Variants in PPP4R3B observed in about 807,000 individuals in gnomAD.
The protein encoded by PPP4R3B is serine/threonine-protein phosphatase 4 regulatory subunit 3B.
PPP4R3B carries 52 observed loss-of-function variants against 95.4 expected under a neutral mutation model. The ratio of observed to expected loss-of-function variants is 0.54; its 90% CI spans 0.44 to 0.69. The LOEUF (loss-of-function observed/expected upper bound fraction) is 0.69. Ranked by LOEUF, PPP4R3B falls within the 30% of genes least tolerant of loss-of-function variation. PPP4R3B has a pLI of 0.00. For missense variants in PPP4R3B, 1,003 were observed against 1,005.9 expected, an observed-to-expected ratio of 1.00 and a Z score of 0.04; for synonymous variants, 407 against 343.9, an observed-to-expected ratio of 1.18 and a Z score of -2.03.
intron 11 of PPP4R3B, 101 bp from the exon 12 acceptor site, chr2:55,573,878 A>G (rs1327353250): frequency 1.2e-5 from 6 of 489,700 alleles, no homozygotes; most frequent in South Asian, 3.6e-5. Context: ...TCTAAACTGT[A>G]TTTCCTCCTT....
intron 1 of PPP4R3B, chr2:55,616,429 T>C (rs1273636826): frequency 6.6e-6 from 1 of 152,244 alleles, no homozygotes; most frequent in Non-Finnish European, 1.5e-5. Context: ...GATTATACTA[T>C]AAAAGGCATT....
At chr2:55,577,980 T>A (rs1447710372) in intron 10 of PPP4R3B, among the ~76,000 whole-genome samples, 1 of 152,126 alleles carries the variant, frequency 6.6e-6, no homozygotes, top group Non-Finnish European at 1.5e-5. Flanking sequence ...AGAGGCAGAA[T>A]GGCTGAATTA....
At chr2:55,613,179 G>C (rs2103900202) in intron 2 of PPP4R3B, among the ~76,000 whole-genome samples, 1 of 152,132 alleles carries the variant, frequency 6.6e-6, no homozygotes, top group South Asian at 2.1e-4. Context: ...CTATTACAAA[G>C]AAACTAAGTT....
chr2:55,616,804 T>C (rs1167809191), intron 1 of PPP4R3B, among the ~76,000 whole-genome samples: 1 of 151,514 alleles, frequency 6.6e-6, no homozygotes, highest in African/African-American at 2.4e-5. Flanking sequence ...GATAAGTAAA[T>C]AAAGGGGGAG....
chr2:55,597,988 C>T (rs143002519), intron 4 of PPP4R3B, among the ~76,000 whole-genome samples: 5,335 of 152,062 alleles, frequency 0.035, 137 homozygotes, highest in South Asian at 0.075. Context: ...GAGGCTGAGG[C>T]GGGCGGACTG....
chr2:55,608,386 T>C (rs1267226844), intron 2 of PPP4R3B, among the ~76,000 whole-genome samples: 1 of 152,216 alleles, frequency 6.6e-6, no homozygotes, highest in African/African-American at 2.4e-5. Context: ...AGAGTTCTTT[T>C]CCAATGCTGA....
Position 55,577,255 on chromosome 2 carries a change from C to T in PPP4R3B, c.1606+60G>A, listed in dbSNP as rs1219527570. 2.7e-6 allele frequency: 4 copies of T among 1,503,520 alleles called. No individual in the cohort carries two copies. The Admixed American group carries it at 7.8e-5, about 29-fold the overall frequency. 93.1% of individuals were successfully genotyped at this position (1,503,520 alleles called of 1,614,324 possible). On this transcript the variant is annotated intron_variant, in intron 11 of 16. Coordinates refer to ENST00000616407, the MANE Select transcript of PPP4R3B (RefSeq NM_001122964.3). The stretch of plus-strand genomic sequence containing the variant: ...CTTAGCCTTATATAAGTGCATTACA[C>T]TTAGAGTAGAAAAAAGTTTATAATT...
chr2:55,558,633 T>A, intron 16 of PPP4R3B, 142 bp downstream of exon 16: 1 of 616,526 alleles, frequency 1.6e-6, no homozygotes. Flanking sequence ...TAAAATAAAA[T>A]TCTACAATCA....
Position 55,573,671 on chromosome 2 carries a change from C to A in PPP4R3B, c.1713G>T (p.Leu571Phe). ...HIKNYIMNKD[L>F]LRRVLVLMNS... ...TCATCAAGACCAAGACTCTTCTTAG[C>A]AAGTCCTTGTTCATAATATAGTTTT... The change falls in exon 12 of 17, where the codon TTG (leucine) becomes TTT (phenylalanine). Residue 571 changes from leucine (L) to phenylalanine (F), a missense_variant. Transcript: ENST00000616407. 1 of 1,545,996 alleles carries A rather than the reference C, an allele frequency of 6.5e-7. No individual in the cohort carries two copies. The highest frequency in any genetic ancestry group is 8.7e-7 in the Non-Finnish European group (1 of 1,145,360).
At chr2:55,586,759 G>T in intron 5 of PPP4R3B, 25 bp from the exon 6 acceptor site, 2 of 1,405,290 alleles carry the variant, frequency 1.4e-6, no homozygotes, top group South Asian at 1.2e-5. Context: ...ATTTTAGTGA[G>T]ACATTGATAA....
chr2:55,563,972 A>C (rs541538165), intron 15 of PPP4R3B, among the ~76,000 whole-genome samples: 25 of 152,280 alleles, frequency 1.6e-4, no homozygotes, highest in Non-Finnish European at 3.1e-4. Context: ...GTACTCTAGA[A>C]GGTTTCTATG....
intron 5 of PPP4R3B, among the ~76,000 whole-genome samples, chr2:55,587,454 C>G (rs1224869529): frequency 1.3e-5 from 2 of 152,160 alleles, no homozygotes; most frequent in African/African-American, 4.8e-5. Flanking sequence ...CATGGTGGCA[C>G]ACGCCTGTAA....
Position 55,617,321 on chromosome 2 carries a change from C to T in PPP4R3B, c.-36G>A. 6.5e-7 allele frequency: 1 copy of T among 1,541,360 alleles called. No individual in the cohort carries two copies. The highest frequency in any genetic ancestry group is 1.4e-5 in the African/African-American group (1 of 72,604). On this transcript the variant is annotated 5_prime_UTR_variant, in exon 1 of 17. Coordinates refer to ENST00000616407, the MANE Select transcript of PPP4R3B (RefSeq NM_001122964.3). ...GTCTCCACCGCTCTAGCCGCCGCCTCCTCGCTTACCTCGTCCGCGCTCCTC... is the reference window on the plus strand; with the variant it reads ...GTCTCCACCGCTCTAGCCGCCGCCTTCTCGCTTACCTCGTCCGCGCTCCTC...
chr2:55,589,397 C>T (rs961479738), intron 4 of PPP4R3B, among the ~76,000 whole-genome samples: 2 of 152,072 alleles, frequency 1.3e-5, no homozygotes, highest in African/African-American at 4.8e-5. Flanking sequence ...GGCTGAATTC[C>T]GACAGTAGAT....
intron 8 of PPP4R3B, among the ~76,000 whole-genome samples, chr2:55,581,052 A>G (rs1689376429): frequency 6.6e-6 from 1 of 152,140 alleles, no homozygotes; most frequent in Non-Finnish European, 1.5e-5. Context: ...CAGGGGTTCA[A>G]GACCAGCCTG....
In PPP4R3B at chr2:55,598,874, A is replaced by C. The variant is rs200075171; in HGVS notation, c.463T>G (p.Ser155Ala). 2.5e-6 allele frequency: 4 copies of C among 1,614,194 alleles called. No homozygotes were observed. In the Middle Eastern group the frequency reaches 4.9e-4, roughly 200 times the overall value. Reference sequence around the variant, plus strand: ...GCCAGCTTTTCCCTACGGATAGGTGAGGAGAGCACTGAGGTAACTAAGTCA... The same window carrying C: ...GCCAGCTTTTCCCTACGGATAGGTGCGGAGAGCACTGAGGTAACTAAGTCA... ...IADLVTSVLS[S>A]PIRREKLALA... Residue 155 changes from serine (S) to alanine (A), a missense_variant, in exon 4 of 17, where the codon TCA (serine) becomes GCA (alanine). By Grantham distance (99) the Ser-to-Ala change is moderately conservative (BLOSUM62 1). Transcript: ENST00000616407.
intron 7 of PPP4R3B, among the ~76,000 whole-genome samples, chr2:55,582,693 T>G (rs1476043443): frequency 6.6e-6 from 1 of 152,224 alleles, no homozygotes; most frequent in Non-Finnish European, 1.5e-5. Flanking sequence ...TCTGCATATC[T>G]TAGGTTTGAT....
intron 4 of PPP4R3B, among the ~76,000 whole-genome samples, chr2:55,590,936 C>G (rs1172708319): frequency 6.6e-6 from 1 of 152,102 alleles, no homozygotes; most frequent in African/African-American, 2.4e-5. Flanking sequence ...TCAATTGGTG[C>G]TACTCAAAGA....
At position 55,549,985 on chromosome 2, in the gene PPP4R3B, C is replaced by A; in HGVS notation, c.2476G>T (p.Asp826Tyr). 6.2e-7 allele frequency: 1 copy of A among 1,608,422 alleles called. No homozygotes were observed. Among genetic ancestry groups the A allele is most frequent in the Non-Finnish European group, 8.5e-7 (1 of 1,178,782 alleles). ...ATKGSLVGLV[D>Y]YPDDEEEDEE... ...TCTTCCTCTTCATCATCTGGATAAT[C>A]CACTAAGCCAACCAAACTTCCCTAT... Residue 826 changes from aspartate (D) to tyrosine (Y), a missense_variant, in exon 17 of 17, where the codon GAT (aspartate) becomes TAT (tyrosine). Physicochemically the swap from Asp to Tyr is radical, Grantham distance 160 (BLOSUM62 -3). Transcript: ENST00000616407.
Sources: gnomAD v4.1 joint callset for allele counts (sites outside exome capture counted in the v4.1 genomes callset) on GRCh38, gnomAD v4.1.1 for gene constraint, MANE v1.5 for transcripts, NCBI Gene and HGNC (gene_info 2026-07-23, HGNC 2026-07-21) for gene names.